The following ASCC3 variants were observed in gnomAD, a reference collection of about 807,000 sequenced individuals.
ASCC3 encodes activating signal cointegrator 1 complex subunit 3.
Under a neutral mutation model 256.3 loss-of-function variants are expected in ASCC3, and 158 were observed. The observed-to-expected ratio is 0.62, with a 90% CI of 0.54 to 0.70. ASCC3 has a LOEUF of 0.70. ASCC3 is among the 30% of genes least tolerant of loss of function. The pLI, the probability that ASCC3 is intolerant of heterozygous loss-of-function variation, is 0.00. For missense variants in ASCC3, 2,259 were observed against 2,626.0 expected, an observed-to-expected ratio of 0.86 and a Z score of 3.05; for synonymous variants, 948 against 883.4, an observed-to-expected ratio of 1.07 and a Z score of -1.30.
intron 14 of ASCC3, among the ~76,000 whole-genome samples, chr6:100,674,515 C>T (rs769204350): frequency 1.3e-5 from 2 of 151,606 alleles, no homozygotes; most frequent in Non-Finnish European, 2.9e-5. Context: ...TAATTTTTGT[C>T]TCATCTATTA....
intron 3 of ASCC3, among the ~76,000 whole-genome samples, chr6:100,860,158 CTTT>C (rs1235322181): frequency 2.0e-5 from 3 of 151,148 alleles, no homozygotes; most frequent in Admixed American, 6.6e-5. Context: ...GTCTTGACTT[CTTT>C]ATTTTAAAAA....
chr6:100,674,535 A>C (rs1245610922), intron 14 of ASCC3, among the ~76,000 whole-genome samples: 8 of 151,900 alleles, frequency 5.3e-5, no homozygotes, highest in African/African-American at 9.7e-5. Context: ...ATTGTTTTAA[A>C]CTGTTATCTT....
intron 37 of ASCC3, among the ~76,000 whole-genome samples, chr6:100,519,843 A>G (rs1774214475): frequency 2.0e-5 from 3 of 152,198 alleles, no homozygotes; most frequent in Admixed American, 6.5e-5. Context: ...TTTTCACTGT[A>G]GGATCCAGAT....
chr6:100,637,142 A>G (rs891262787), intron 25 of ASCC3, among the ~76,000 whole-genome samples: 2 of 152,144 alleles, frequency 1.3e-5, no homozygotes, highest in African/African-American at 4.8e-5. Context: ...TCAAAGGAGG[A>G]GCTAACTTTC....
chr6:100,700,235 G>T (rs1778289463), intron 13 of ASCC3, among the ~76,000 whole-genome samples: 1 of 152,062 alleles, frequency 6.6e-6, no homozygotes, highest in Admixed American at 6.5e-5. Flanking sequence ...TTCCATCCCA[G>T]CTGCTCCAGC....
At chr6:100,601,673 T>C in intron 34 of ASCC3, 137 bp downstream of exon 34, 1 of 944,650 alleles carries the variant, frequency 1.1e-6, no homozygotes, top group South Asian at 1.6e-5. Context: ...ATCATCTGAT[T>C]CTTTAGACAA....
intron 4 of ASCC3, among the ~76,000 whole-genome samples, chr6:100,840,526 T>C (rs900377163): frequency 7.4e-5 from 11 of 149,014 alleles, no homozygotes; most frequent in Non-Finnish European, 1.3e-4. Context: ...AGAGTCTTTA[T>C]TGCAATGTTA....
chr6:100,524,705 A>T (rs1364652630), intron 37 of ASCC3, among the ~76,000 whole-genome samples: 1 of 152,082 alleles, frequency 6.6e-6, no homozygotes, highest in African/African-American at 2.4e-5. Context: ...CTGTGGCTGT[A>T]GGGTGTATTC....
intron 37 of ASCC3, among the ~76,000 whole-genome samples, chr6:100,533,638 T>C (rs1206185021): frequency 6.6e-6 from 1 of 152,186 alleles, no homozygotes; most frequent in Non-Finnish European, 1.5e-5. Context: ...GATCACTGAG[T>C]TCAGGCTCCA....
chr6:100,805,929 A>C, intron 4 of ASCC3, 49 bp from the exon 5 acceptor site: 1 of 1,583,578 alleles, frequency 6.3e-7, no homozygotes, highest in African/African-American at 1.3e-5. Flanking sequence ...TCAAAGTTTA[A>C]CTTTTTCAAG....
chr6:100,728,786 C>T (rs890843796), intron 10 of ASCC3, among the ~76,000 whole-genome samples: 4 of 152,108 alleles, frequency 2.6e-5, no homozygotes, highest in Admixed American at 6.6e-5. Flanking sequence ...CAAGGAGTCT[C>T]TTCCCAAAAA....
rs200718453 is a variant in ASCC3 at position 100,607,054 on chromosome 6, T to C, written c.4820A>G (p.Asn1607Ser). The change falls in exon 31 of 42, where the codon AAC becomes AGC. Residue 1607 changes from asparagine (N) to serine (S), a missense_variant. Transcript: ENST00000369162. ...ENIIATVRDS[N>S]LKLTLAFGIG... ...CCCGAAAGCAAGGGTCAGCTTGAGG[T>C]TGGAATCTCTTACTGTTGCAATGAT... 61 of 1,613,600 alleles carry C rather than the reference T, an allele frequency of 3.8e-5. No individual in the cohort carries two copies. Among genetic ancestry groups the C allele is most frequent in the Admixed American group, 8.3e-5 (5 of 59,962 alleles).
intron 13 of ASCC3, among the ~76,000 whole-genome samples, chr6:100,687,030 TCTCTCACACACACACA>T (rs1228652912): frequency 4.7e-4 from 61 of 129,348 alleles, no homozygotes; most frequent in African/African-American, 1.6e-3. Flanking sequence ...TCTCTCTCTC[TCTCTCACACACACACA>T]CACACACACA....
At chr6:100,715,562 CAT>C (rs749558790) in intron 12 of ASCC3, 29 bp from the exon 13 acceptor site, 2 of 1,568,006 alleles carry the variant, frequency 1.3e-6, no homozygotes, top group Admixed American at 1.7e-5. Flanking sequence ...TAAAAAAAAT[CAT>C]GTGAAACAAT....
chr6:100,652,962 T>A (rs953146140), intron 17 of ASCC3, 73 bp from the exon 18 acceptor site: 1 of 1,432,140 alleles, frequency 7.0e-7, no homozygotes, highest in African/African-American at 1.4e-5. Flanking sequence ...TATTTATTTA[T>A]GGAAATTAAA....
At chr6:100,748,998 C>T (rs1372504723) in intron 10 of ASCC3, among the ~76,000 whole-genome samples, 1 of 152,050 alleles carries the variant, frequency 6.6e-6, no homozygotes, top group East Asian at 1.9e-4. Context: ...ATGGCTAAAA[C>T]AGAAGACATC....
intron 13 of ASCC3, among the ~76,000 whole-genome samples, chr6:100,700,165 G>T (rs1004812347): frequency 6.6e-6 from 1 of 152,108 alleles, no homozygotes; most frequent in African/African-American, 2.4e-5. Flanking sequence ...GGAGGAAAAA[G>T]TGGTTTTGTG....
Position 100,654,789 on chromosome 6 carries a change from GCTT to G in ASCC3, c.2823+907_2823+909del, listed in dbSNP as rs201400807. 1.6e-3 allele frequency among the ~76,000 whole-genome samples: 240 copies of G among 152,004 alleles called. 8 individuals are homozygous for G. The East Asian group carries it at 0.044, about 28-fold the overall frequency. On this transcript the variant is annotated intron_variant, in intron 17 of 41. Coordinates refer to ENST00000369162, the MANE Select transcript of ASCC3 (RefSeq NM_006828.4). ...AGCCTCAGAACTAATTGCTGCTGCT[GCTT>G]TTCTTATTTTTCCTCCCGCAAGCCT...
chr6:100,656,144 A>G (rs1775904755), intron 16 of ASCC3, among the ~76,000 whole-genome samples: 1 of 151,646 alleles, frequency 6.6e-6, no homozygotes. Context: ...TTCAGTATAC[A>G]ACTTATTTTA....
Sources: gnomAD v4.1 joint callset for allele counts (sites outside exome capture counted in the v4.1 genomes callset) on GRCh38, gnomAD v4.1.1 for gene constraint, MANE v1.5 for transcripts, NCBI Gene and HGNC (gene_info 2026-07-23, HGNC 2026-07-21) for gene names.